NUBPL: variants seen among roughly 807,000 people sequenced by gnomAD.
NUBPL encodes the protein NUBP iron-sulfur cluster assembly factor, mitochondrial, also known as iron-sulfur cluster transfer protein NUBPL.
Under a neutral mutation model 45.7 loss-of-function variants are expected in NUBPL, and 31 were observed. The observed-to-expected ratio is 0.68, with a 90% CI of 0.51 to 0.92. The LOEUF (loss-of-function observed/expected upper bound fraction) is 0.92. Among genes scored for constraint, NUBPL ranks in the 40% least tolerant of loss-of-function variants. The pLI, the probability that NUBPL is intolerant of heterozygous loss-of-function variation, is 0.00. For missense variants in NUBPL, 401 were observed against 398.7 expected (o/e 1.01, Z -0.05); for synonymous variants, 144 against 140.9 (o/e 1.02, Z -0.15).
intron 7 of NUBPL, among the ~76,000 whole-genome samples, chr14:31,812,711 C>A (rs941325465): frequency 4.5e-4 from 69 of 152,180 alleles, no homozygotes; most frequent in African/African-American, 1.5e-3. Flanking sequence ...CACCCATCTC[C>A]TGTGTGGATC....
intron 3 of NUBPL, among the ~76,000 whole-genome samples, chr14:31,576,193 G>T (rs1436794981): frequency 6.6e-6 from 1 of 152,102 alleles, no homozygotes; most frequent in Non-Finnish European, 1.5e-5. Context: ...TTTGCTAAGG[G>T]CCTGTCATCT....
chr14:31,669,319 T>C (rs1482707493), intron 4 of NUBPL, among the ~76,000 whole-genome samples: 1 of 152,218 alleles, frequency 6.6e-6, no homozygotes, highest in African/African-American at 2.4e-5. Context: ...ATTTAAAATA[T>C]TGTAAGCTAT....
At chr14:31,843,244 G>A (rs2040404030) in intron 8 of NUBPL, among the ~76,000 whole-genome samples, 1 of 152,320 alleles carries the variant, frequency 6.6e-6, no homozygotes, top group South Asian at 2.1e-4. Flanking sequence ...TTCTGCATAC[G>A]TTTCATTGGC....
At chr14:31,648,649 T>G (rs2035919428) in intron 4 of NUBPL, among the ~76,000 whole-genome samples, 1 of 152,238 alleles carries the variant, frequency 6.6e-6, no homozygotes, top group Non-Finnish European at 1.5e-5. Context: ...TAATTCAAAT[T>G]AAACATAGAC....
chr14:31,805,275 A>G (rs1054019699), intron 7 of NUBPL, among the ~76,000 whole-genome samples: 1 of 152,176 alleles, frequency 6.6e-6, no homozygotes, highest in African/African-American at 2.4e-5. Flanking sequence ...ACAGATGCTG[A>G]TGAGATTGCA....
At chr14:31,700,156 AC>A (rs1393348964) in intron 6 of NUBPL, among the ~76,000 whole-genome samples, 1 of 152,266 alleles carries the variant, frequency 6.6e-6, no homozygotes, top group Non-Finnish European at 1.5e-5. Flanking sequence ...TCACTGAGGT[AC>A]AATGGCATTT....
chr14:31,595,816 G>T (rs1353485276), intron 3 of NUBPL, among the ~76,000 whole-genome samples: 1 of 151,886 alleles, frequency 6.6e-6, no homozygotes, highest in Non-Finnish European at 1.5e-5. Context: ...TATAGCAATG[G>T]TAACTGTACT....
At chr14:31,820,074 A>G (rs1283542395) in intron 7 of NUBPL, among the ~76,000 whole-genome samples, 3 of 148,070 alleles carry the variant, frequency 2.0e-5, no homozygotes, top group African/African-American at 7.8e-5. Flanking sequence ...CAGGAGGCGG[A>G]GCTTGCAGTG....
chr14:31,610,371 T>A (rs920658539), intron 4 of NUBPL, among the ~76,000 whole-genome samples: 1 of 151,536 alleles, frequency 6.6e-6, no homozygotes, highest in Non-Finnish European at 1.5e-5. Context: ...AAGAATTCAA[T>A]CTTCCTAAAC....
chr14:31,640,897 C>G (rs1303327808), intron 4 of NUBPL, among the ~76,000 whole-genome samples: 1 of 152,058 alleles, frequency 6.6e-6, no homozygotes, highest in African/African-American at 2.4e-5. Flanking sequence ...TTAATGTTAA[C>G]TGTAGTCACC....
intron 4 of NUBPL, among the ~76,000 whole-genome samples, chr14:31,640,729 T>G (rs2035669586): frequency 6.6e-6 from 1 of 152,164 alleles, no homozygotes; most frequent in South Asian, 2.1e-4. Flanking sequence ...TGATACATAA[T>G]ACGTGTGCAT....
intron 8 of NUBPL, chr14:31,845,194 A>G (rs1319008078): frequency 2.0e-5 from 3 of 152,184 alleles, no homozygotes; most frequent in African/African-American, 7.2e-5. Context: ...GTTCAAACTC[A>G]TGTTCAAGGT....
In NUBPL at chr14:31,723,457, A is replaced by C. The variant is rs533752223; in HGVS notation, c.513+49883A>C. 7.9e-5 allele frequency among the ~76,000 whole-genome samples: 12 copies of C among 152,288 alleles called. No individual in the cohort carries two copies. In the South Asian group the frequency reaches 2.5e-3, roughly 32 times the overall value. On this transcript the variant is annotated intron_variant, in intron 6 of 10. Coordinates refer to ENST00000281081, the MANE Select transcript of NUBPL (RefSeq NM_025152.3). ...TTTGGTTCCACATGAATTTTAAAAT[A>C]GTTTTTTCTAGTTCTGTGAAGAATG...
At chr14:31,719,162 T>C (rs1242944870) in intron 6 of NUBPL, among the ~76,000 whole-genome samples, 1 of 152,188 alleles carries the variant, frequency 6.6e-6, no homozygotes, top group Non-Finnish European at 1.5e-5. Context: ...CCCTCATGAC[T>C]GAATAGCTGG....
chr14:31,845,252 A>C (rs1269821026), intron 8 of NUBPL: 1 of 152,182 alleles, frequency 6.6e-6, no homozygotes, highest in Non-Finnish European at 1.5e-5. Flanking sequence ...TTAGAAAGAG[A>C]ATGACCTTTT....
chr14:31,759,744 A>G (rs1013257154), intron 6 of NUBPL, among the ~76,000 whole-genome samples: 4 of 150,346 alleles, frequency 2.7e-5, no homozygotes, highest in Non-Finnish European at 4.4e-5. Context: ...ATTCTCTTGT[A>G]TCTTGTATGC....
intron 2 of NUBPL, among the ~76,000 whole-genome samples, chr14:31,562,633 T>C (rs1207452288): frequency 7.2e-6 from 1 of 139,512 alleles, no homozygotes; most frequent in Non-Finnish European, 1.5e-5. Flanking sequence ...AGACGGAATC[T>C]CGCTCTGTCA....
intron 4 of NUBPL, among the ~76,000 whole-genome samples, chr14:31,636,677 TC>T (rs2035512245): frequency 6.6e-6 from 1 of 152,132 alleles, no homozygotes; most frequent in South Asian, 2.1e-4. Flanking sequence ...ACCAGTTCCT[TC>T]TTGTACCTCT....
At chr14:31,852,411 G>A (rs1191644974) in intron 10 of NUBPL, among the ~76,000 whole-genome samples, 1 of 152,140 alleles carries the variant, frequency 6.6e-6, no homozygotes, top group Non-Finnish European at 1.5e-5. Context: ...GGTGGCTCAC[G>A]CCTGTAATCC....
Sources: allele counts gnomAD v4.1 joint callset (sites outside exome capture counted in the v4.1 genomes callset), GRCh38; gene constraint gnomAD v4.1.1; transcripts MANE v1.5; gene names NCBI Gene and HGNC (gene_info 2026-07-23, HGNC 2026-07-21).